The following LRP2BP variants were observed in gnomAD, a reference collection of about 807,000 sequenced individuals.
LRP2BP encodes LRP2-binding protein.
In LRP2BP, 38 loss-of-function variants were observed where a neutral mutation model predicts 45.2. The observed-to-expected ratio is 0.84, with a 90% confidence interval of 0.65 to 1.10. LRP2BP has a LOEUF of 1.10. Ranked by LOEUF, LRP2BP falls within the 50% of genes least tolerant of loss-of-function variation. The probability of loss-of-function intolerance (pLI) is 0.00; values close to 1 mark genes in which losing one functional copy is unlikely to be tolerated. For missense variants in LRP2BP, 385 were observed against 418.9 expected (o/e 0.92, Z 0.71); for synonymous variants, 153 against 153.9 (o/e 0.99, Z 0.04).
chr4:185,372,266 G>A (rs2095418580), intron 7 of LRP2BP, among the ~76,000 whole-genome samples: 1 of 152,182 alleles, frequency 6.6e-6, no homozygotes, highest in African/African-American at 2.4e-5. Flanking sequence ...TCTTCTTACA[G>A]ATAAGGCAAT....
In LRP2BP at chr4:185,365,716, ATCT is replaced by A. The variant is rs2095385865; in HGVS notation, c.*1461_*1463del. On this transcript the variant is annotated 3_prime_UTR_variant, in exon 9 of 9. Transcript: ENST00000505916. ...AATAATAATAATAATAATAATAATA[ATCT>A]TTAGGAACTGGATTAAGTGTGGAGA... 1 of 150,648 alleles carries A rather than the reference ATCT, an allele frequency of 6.6e-6. No homozygotes were observed. Among genetic ancestry groups the A allele is most frequent in the African/African-American group, 2.4e-5 (1 of 41,014 alleles). 9.3% of individuals were successfully genotyped at this position (150,648 alleles called of 1,614,324 possible).
intron 1 of LRP2BP, among the ~76,000 whole-genome samples, chr4:185,382,638 C>T (rs2095458916): frequency 6.6e-6 from 1 of 152,022 alleles, no homozygotes; most frequent in Non-Finnish European, 1.5e-5. Context: ...TGCTTCTTAC[C>T]CATTTTGCAT....
chr4:185,372,498 T>C (rs1209163933), intron 7 of LRP2BP, among the ~76,000 whole-genome samples: 1 of 152,246 alleles, frequency 6.6e-6, no homozygotes, highest in African/African-American at 2.4e-5. Flanking sequence ...ATAGAACATG[T>C]AGTAGGCATT....
chr4:185,378,011 G>A (rs1272088944), intron 2 of LRP2BP, 70 bp downstream of exon 2: 5 of 1,226,652 alleles, frequency 4.1e-6, no homozygotes, highest in South Asian at 2.6e-5. Context: ...TTCTTGTCTC[G>A]TTTGCTCTAG....
rs778173322 is a variant in LRP2BP at position 185,375,622 on chromosome 4, A to T, written c.321T>A (p.Thr107=). The change falls in exon 4 of 9, where the codon ACT becomes ACA. Residue 107 remains threonine, a synonymous_variant. Transcript: ENST00000505916. ...GVMYYDGLGT[T]LDAEKGVDYM... ...CAAGACATTAACTTACAGCGTCTAG[A>T]GTGGTCCCCAGCCCATCATAGTACA... 1 of 1,601,222 alleles carries T rather than the reference A, an allele frequency of 6.2e-7. No homozygotes were observed. Among genetic ancestry groups the T allele is most frequent in the Non-Finnish European group, 8.5e-7 (1 of 1,172,470 alleles).
In LRP2BP at chr4:185,375,101, C is replaced by A. The variant is rs553259532; in HGVS notation, c.330+512G>T. On this transcript the variant is annotated intron_variant, in intron 4 of 8. Coordinates refer to ENST00000505916, the MANE Select transcript of LRP2BP (RefSeq NM_001377440.1). ...CCCAAAAGAAGAAAATAATATTGGA[C>A]AATCAAATATATTTTGGTTTTTGTT... 2.5e-3 allele frequency among the ~76,000 whole-genome samples: 377 copies of A among 152,034 alleles called. 2 individuals are homozygous for A. Among genetic ancestry groups the A allele is most frequent in the African/African-American group, 8.7e-3 (360 of 41,526 alleles).
Position 185,395,098 on chromosome 4 carries a change from T to C in LRP2BP, c.-341A>G. On this transcript the variant is annotated 5_prime_UTR_variant, in exon 1 of 9. Transcript: ENST00000505916. Reference sequence around the variant, plus strand: ...ATCCAGCTGAGATACAACTTTTTTTTCTGAAAACAATGTGAGCAATGGACA... The same window carrying C: ...ATCCAGCTGAGATACAACTTTTTTTCCTGAAAACAATGTGAGCAATGGACA... The C allele has an allele frequency of 7.1e-6, 7 of 985,138 alleles. No individual in the cohort carries two copies. Among genetic ancestry groups the C allele is most frequent in the Non-Finnish European group, 8.4e-6 (7 of 829,874 alleles). The allele number at this position is 985,138 out of a possible 1,614,324, so 61.0% of individuals were successfully genotyped here.
chr4:185,378,085 C>A lies in LRP2BP; in HGVS notation c.102G>T (p.Lys34Asn), dbSNP rs747696871. The A allele has an allele frequency of 6.2e-7, 1 of 1,611,994 alleles. No individual in the cohort carries two copies. Among genetic ancestry groups the A allele is most frequent in the Non-Finnish European group, 8.5e-7 (1 of 1,178,424 alleles). The change falls in exon 2 of 9, where the codon AAG (lysine) becomes AAT (asparagine). Residue 34 changes from lysine (K) to asparagine (N), a missense_variant. By Grantham distance (94) the Lys-to-Asn change is moderately conservative (BLOSUM62 0). Transcript: ENST00000505916. ...NQKFFQWKKEKTDYTHANLVD... is the reference protein window; with the variant it reads ...NQKFFQWKKENTDYTHANLVD... The stretch of plus-strand genomic sequence containing the variant: ...CTTAAATATCAGGATTTGTACCAGT[C>A]TTTTCCTTTTTCCACTGGAAAAATT...
chr4:185,382,282 A>T (rs1192361359), intron 1 of LRP2BP, among the ~76,000 whole-genome samples: 3 of 152,200 alleles, frequency 2.0e-5, no homozygotes, highest in Non-Finnish European at 4.4e-5. Context: ...AAGCACTTGG[A>T]TTGTTTCCAG....
At chr4:185,369,991 G>A (rs1242839227) in intron 8 of LRP2BP, 1 of 212,794 alleles carries the variant, frequency 4.7e-6, no homozygotes, top group South Asian at 6.7e-5. Context: ...ATTCTGACTC[G>A]TGGATGTGAT....
chr4:185,386,578 C>T (rs1431325607), intron 1 of LRP2BP, among the ~76,000 whole-genome samples: 7 of 152,132 alleles, frequency 4.6e-5, no homozygotes, highest in Admixed American at 3.9e-4. Context: ...GGATTCCAGC[C>T]ATTTCTGTGC....
chr4:185,395,551 AAT>A lies in LRP2BP; in HGVS notation c.-796_-795del, dbSNP rs1485865190. On this transcript the variant is annotated 5_prime_UTR_variant, in exon 1 of 9. Coordinates refer to ENST00000505916, the MANE Select transcript of LRP2BP (RefSeq NM_001377440.1). ...TTAAACATCATTAAAAGATATTGTGAATAGTTTAAATATTAAAAATGTGGAAT... is the reference window on the plus strand; with the variant it reads ...TTAAACATCATTAAAAGATATTGTGAAGTTTAAATATTAAAAATGTGGAAT... 2 of 982,322 alleles carry A rather than the reference AAT, an allele frequency of 2.0e-6. No homozygotes were observed. Among genetic ancestry groups the A allele is most frequent in the Admixed American group, 6.2e-5 (1 of 16,188 alleles). The allele number at this position is 982,322 out of a possible 1,614,324, so 60.9% of individuals were successfully genotyped here. A position where few individuals can be genotyped will look rare whatever the true frequency, so the allele number is the denominator to read the frequency against.
chr4:185,375,719 T>C lies in LRP2BP; in HGVS notation c.224A>G (p.Tyr75Cys). The change falls in exon 4 of 9, where the codon TAT (tyrosine) becomes TGT (cysteine). Residue 75 changes from tyrosine (Y) to cysteine (C), a missense_variant. Transcript: ENST00000505916. ...TTCAAACTGTTCTAATGCTTCTTCA[T>C]ACCATCCCTAGAAGCACCCAGAAGA... ...RGQLYFEEGW[Y>C]EEALEQFEEI... 6.3e-7 allele frequency: 1 copy of C among 1,596,094 alleles called. No individual in the cohort carries two copies. The highest frequency in any genetic ancestry group is 8.6e-7 in the Non-Finnish European group (1 of 1,165,918).
intron 1 of LRP2BP, chr4:185,390,538 A>C (rs1460132673): frequency 1.3e-5 from 2 of 151,482 alleles, no homozygotes; most frequent in East Asian, 3.9e-4. Context: ...AAAAAGAAAA[A>C]AGAAAAAATA....
intron 1 of LRP2BP, among the ~76,000 whole-genome samples, chr4:185,388,507 AGG>A (rs2095478651): frequency 2.2e-5 from 2 of 90,428 alleles, no homozygotes. Context: ...AGGCCTACCT[AGG>A]CTATCTATCT....
At chr4:185,374,601 G>T in intron 4 of LRP2BP, 140 bp from the exon 5 acceptor site, 1 of 884,942 alleles carries the variant, frequency 1.1e-6, no homozygotes. Context: ...GGGTACAATT[G>T]TCCTGGATTC....
intron 1 of LRP2BP, chr4:185,378,580 C>T: frequency 1.0e-6 from 1 of 1,002,358 alleles, no homozygotes; most frequent in African/African-American, 1.7e-5. Flanking sequence ...GGTACCTTCT[C>T]TGCCCTTGTA....
At chr4:185,388,462 T>A (rs200545671) in intron 1 of LRP2BP, among the ~76,000 whole-genome samples, 1 of 4,028 alleles carries the variant, frequency 2.5e-4, no homozygotes, top group African/African-American at 5.2e-4. Flanking sequence ...CCTACCTACC[T>A]AACCTGCCTA....
chr4:185,391,683 G>A (rs1301176656), intron 1 of LRP2BP, among the ~76,000 whole-genome samples: 1 of 152,090 alleles, frequency 6.6e-6, no homozygotes, highest in Non-Finnish European at 1.5e-5. Flanking sequence ...ACAAGTACCA[G>A]TACCTTGTTC....
Sources: gnomAD v4.1 joint callset for allele counts (sites outside exome capture counted in the v4.1 genomes callset) on GRCh38, gnomAD v4.1.1 for gene constraint, MANE v1.5 for transcripts, NCBI Gene and HGNC (gene_info 2026-07-23, HGNC 2026-07-21) for gene names.